Variants in ALG12 observed in about 807,000 individuals in gnomAD.
ALG12 encodes the protein ALG12 alpha-1,6-mannosyltransferase.
Under a neutral mutation model 46.0 loss-of-function variants are expected in ALG12, and 36 were observed. The ratio of observed to expected loss-of-function variants is 0.78; its 90% CI spans 0.60 to 1.03. The LOEUF (loss-of-function observed/expected upper bound fraction) is 1.03, where lower values mean the gene tolerates loss of function less well. Ranked by LOEUF, ALG12 falls within the 50% of genes least tolerant of loss-of-function variation. The probability of loss-of-function intolerance (pLI) is 0.00; values close to 1 mark genes in which losing one functional copy is unlikely to be tolerated. For synonymous variants in ALG12, 326 were observed against 291.6 expected (o/e 1.12, Z -1.20); for missense variants, 599 against 633.5 (o/e 0.95, Z 0.58).
chr22:49,871,752 TA>T, the ALG12 span, among the ~76,000 whole-genome samples: 3 of 47,084 alleles, frequency 6.4e-5, no homozygotes, highest in Non-Finnish European at 1.2e-4. Flanking sequence ...TTTATTTATT[TA>T]TTTATTTTTT....
chr22:49,884,343 G>T, the ALG12 span: 1 of 1,613,522 alleles, frequency 6.2e-7, no homozygotes. Context: ...AGGAGTCTGT[G>T]TCTGTAGTTT....
chr22:49,913,861 G>A lies in ALG12; in HGVS notation c.-78-18C>T. The A allele has an allele frequency of 6.5e-7, 1 of 1,540,144 alleles. No homozygotes were observed. Among genetic ancestry groups the A allele is most frequent in the Non-Finnish European group, 8.9e-7 (1 of 1,124,396 alleles). On this transcript the variant is annotated intron_variant, in intron 1 of 9. Transcript: ENST00000330817. The stretch of plus-strand genomic sequence containing the variant: ...CACGCATGCTGGAAAAGTGGAAACA[G>A]ATTCCTGAGGTTCGAAAGTCACGCT...
At chr22:49,861,004 G>A in the ALG12 span, among the ~76,000 whole-genome samples, 1 of 118,438 alleles carries the variant, frequency 8.4e-6, no homozygotes, top group African/African-American at 2.8e-5. Context: ...GTCTCGATCT[G>A]AGCTCAGGCA....
At position 49,913,097 on chromosome 22, in the gene ALG12, G is replaced by A. The variant is rs565893623; in HGVS notation, c.295+288C>T. ...CCATGGGGGCTTGCCAGGTGAGGCG[G>A]GAGCAGCAGGCTCAGGTGGCGAGAG... On this transcript the variant is annotated intron_variant, in intron 3 of 9. Coordinates refer to ENST00000330817, the MANE Select transcript of ALG12 (RefSeq NM_024105.4). Among the ~76,000 whole-genome samples, 8 of 152,340 alleles carry A rather than the reference G, an allele frequency of 5.3e-5. No individual in the cohort carries two copies. In the South Asian group the frequency reaches 1.2e-3, roughly 24 times the overall value.
rs1338915190 is a variant in ALG12, at chr22:49,906,057, C to G, written c.993-1551G>C. Among the ~76,000 whole-genome samples the G allele has an allele frequency of 6.6e-6, 1 of 152,162 alleles. No homozygotes were observed. On this transcript the variant is annotated intron_variant, in intron 7 of 9. Coordinates refer to ENST00000330817, the MANE Select transcript of ALG12 (RefSeq NM_024105.4). This position sits in a 1 kb window ranked among gnomAD's most constrained non-coding sequence, Gnocchi z 4.4. ...GGTGGCCGGGCTGAGGACCTGACTT[C>G]GGAGGGGGCCTTGCTCTACCCTGCA...
rs2030289690 is a variant in ALG12, at chr22:49,902,383, TGTG to T, written c.*1452_*1454del. On this transcript the variant is annotated 3_prime_UTR_variant, in exon 10 of 10. Transcript: ENST00000330817. ...ATGGTGTGTGCACGTGTGCACGGTG[TGTG>T]GTGTGTATGCATGGTGTGTGCACAT... 1.2e-5 allele frequency: 1 copy of T among 81,624 alleles called. No homozygotes were observed. The highest frequency in any genetic ancestry group is 2.1e-5 in the Non-Finnish European group (1 of 47,242). 5.1% of individuals were successfully genotyped at this position (81,624 alleles called of 1,614,324 possible).
chr22:49,908,185 C>T (rs2060554470), intron 6 of ALG12, among the ~76,000 whole-genome samples: 1 of 152,184 alleles, frequency 6.6e-6, no homozygotes, highest in African/African-American at 2.4e-5. Context: ...AGGACCAAGG[C>T]AGCAAGGGCC....
At chr22:49,874,098 G>C in the ALG12 span, among the ~76,000 whole-genome samples, 8,493 of 152,266 alleles carry the variant, frequency 0.056, 639 homozygotes, top group African/African-American at 0.17. Flanking sequence ...CCTGTCGTCT[G>C]CCCATCAAGG....
the ALG12 span, among the ~76,000 whole-genome samples, chr22:49,879,957 C>T: frequency 2.1e-3 from 313 of 149,354 alleles, no homozygotes; most frequent in Non-Finnish European, 3.9e-3. Flanking sequence ...GTTGGTTTTT[C>T]TCCTGGTCAG....
downstream of ALG12, among the ~76,000 whole-genome samples, chr22:49,899,983 A>T (rs544502080): frequency 6.6e-6 from 1 of 152,056 alleles, no homozygotes; most frequent in Non-Finnish European, 1.5e-5. Flanking sequence ...ACACAGCGAG[A>T]CCCCATCTCT....
chr22:49,869,736 C>G, the ALG12 span, among the ~76,000 whole-genome samples: 3 of 152,298 alleles, frequency 2.0e-5, no homozygotes, highest in South Asian at 6.2e-4. Flanking sequence ...TCCCCAGCTT[C>G]AGAATTACCA....
the ALG12 span, among the ~76,000 whole-genome samples, chr22:49,876,225 T>C: frequency 6.6e-6 from 1 of 152,272 alleles, no homozygotes; most frequent in African/African-American, 2.4e-5. Flanking sequence ...GAAGGTTTTG[T>C]GTACACTTGT....
the ALG12 span, chr22:49,885,589 G>A: frequency 1.2e-6 from 2 of 1,605,614 alleles, no homozygotes; most frequent in Non-Finnish European, 1.7e-6. Context: ...CTCTTTTGAT[G>A]ACACCAATGA....
downstream of ALG12, among the ~76,000 whole-genome samples, chr22:49,897,658 GTTTTC>G (rs2060488413): frequency 7.9e-6 from 1 of 125,916 alleles, no homozygotes; most frequent in African/African-American, 3.1e-5. Context: ...TTTTGCCCAT[GTTTTC>G]TTTTTTTTTT....
At chr22:49,862,991 C>A in the ALG12 span, among the ~76,000 whole-genome samples, 22 of 152,092 alleles carry the variant, frequency 1.4e-4, no homozygotes, top group African/African-American at 4.6e-4. Flanking sequence ...TGTGAGCCAC[C>A]GCACCCGGCC....
Position 49,903,848 on chromosome 22 carries a change from C to T in ALG12, c.1457G>A (p.Arg486Gln), listed in dbSNP as rs938305311. 18 of 1,614,046 alleles carry T rather than the reference C, an allele frequency of 1.1e-5. No individual in the cohort carries two copies. The African/African-American group carries it at 1.2e-4, about 11-fold the overall frequency. Residue 486 changes from arginine to glutamine, a missense_variant, in exon 10 of 10, where the codon CGG (arginine) becomes CAG (glutamine). Arg to Gln is a conservative substitution (Grantham distance 43). Transcript: ENST00000330817. Reference sequence around the variant, plus strand: ...GCTGCCTGGTCCCCCTCAGGACGGCCGGGGGAGCCTCTCCAGAAGCACCAG... The same window carrying T: ...GCTGCCTGGTCCCCCTCAGGACGGCTGGGGGAGCCTCTCCAGAAGCACCAG... ...TKLVLLERLP[R>Q]PS is the part of the protein sequence containing the mutation.
At chr22:49,892,105 G>A in the ALG12 span, among the ~76,000 whole-genome samples, 8 of 148,384 alleles carry the variant, frequency 5.4e-5, no homozygotes, top group East Asian at 2.0e-4. Context: ...GGAGAATGGC[G>A]TGAACCTGGG....
chr22:49,882,463 A>G, the ALG12 span, among the ~76,000 whole-genome samples: 1 of 152,166 alleles, frequency 6.6e-6, no homozygotes, highest in African/African-American at 2.4e-5. Flanking sequence ...TTTATTATAG[A>G]ATATTTATGC....
the ALG12 span, among the ~76,000 whole-genome samples, chr22:49,876,243 G>A: frequency 1.1e-4 from 17 of 152,140 alleles, no homozygotes; most frequent in Non-Finnish European, 1.9e-4. Context: ...TGTAAATAAT[G>A]TGTATTCCGT....
Sources: gnomAD v4.1 joint callset for allele counts (sites outside exome capture counted in the v4.1 genomes callset) on GRCh38, gnomAD v4.1.1 for gene constraint, Gnocchi (gnomAD v3.1) non-coding constraint, MANE v1.5 for transcripts, NCBI Gene and HGNC (gene_info 2026-07-23, HGNC 2026-07-21) for gene names.